IQSEC1: variants seen among roughly 807,000 people sequenced by gnomAD.
IQSEC1 encodes the protein IQ motif and Sec7 domain ArfGEF 1, also known as IQ motif and SEC7 domain-containing protein 1.
IQSEC1 carries 31 observed loss-of-function variants against 91.0 expected under a neutral mutation model. That is an observed-to-expected ratio of 0.34 (90% confidence interval 0.26 to 0.46). IQSEC1 has a LOEUF of 0.46. IQSEC1 is among the 20% of genes least tolerant of loss of function. IQSEC1 has a pLI of 1.00. For synonymous variants in IQSEC1, 699 were observed against 662.6 expected, an observed-to-expected ratio of 1.05 and a Z score of -0.84; for missense variants, 1,388 against 1,575.6, an observed-to-expected ratio of 0.88 and a Z score of 2.02.
chr3:13,036,504 C>T (rs1488840719), intron 1 of IQSEC1, among the ~76,000 whole-genome samples: 1 of 152,070 alleles, frequency 6.6e-6, no homozygotes, highest in African/African-American at 2.4e-5. Flanking sequence ...GATTGCATTC[C>T]CACTTCGCCT....
intron 1 of IQSEC1, among the ~76,000 whole-genome samples, chr3:13,227,854 G>A (rs1694783956): frequency 2.0e-5 from 3 of 152,196 alleles, no homozygotes; most frequent in Admixed American, 2.0e-4. Flanking sequence ...GCCTTGGCTT[G>A]GAGCTGCAGG....
chr3:12,997,897 G>A (rs762622297), intron 1 of IQSEC1, among the ~76,000 whole-genome samples: 3 of 152,192 alleles, frequency 2.0e-5, no homozygotes, highest in East Asian at 1.9e-4. Context: ...GTCATTGACC[G>A]AAATGTCATA....
chr3:13,214,257 G>A lies in IQSEC1; in HGVS notation c.273-50124C>T, dbSNP rs1694500410. 6.6e-6 allele frequency among the ~76,000 whole-genome samples: 1 copy of A among 152,220 alleles called. No individual in the cohort carries two copies. The highest frequency in any genetic ancestry group is 2.1e-4 in the South Asian group (1 of 4,836). ...TTGAGAGCCAACCTGCCCTGGCCGG[G>A]TGAGACTAACCCTGTCTGAGTCATT... is the stretch of plus-strand genomic sequence containing the variant. On this transcript the variant is annotated intron_variant, in intron 1 of 15. Transcript: ENST00000648114. This position sits in a 1 kb window ranked among gnomAD's most constrained non-coding sequence, Gnocchi z 4.5.
chr3:12,959,641 C>T (rs1172683288), intron 1 of IQSEC1, among the ~76,000 whole-genome samples: 1 of 152,174 alleles, frequency 6.6e-6, no homozygotes, highest in Admixed American at 6.5e-5. Context: ...GACACTGTGG[C>T]CTGCCCCAAG....
At position 13,073,342 on chromosome 3, in the gene IQSEC1, T is replaced by A. The variant is rs1276032848; in HGVS notation, c.-328A>T. Among the ~76,000 whole-genome samples the A allele has an allele frequency of 2.0e-5, 3 of 152,156 alleles. No homozygotes were observed. Among genetic ancestry groups the A allele is most frequent in the Non-Finnish European group, 4.4e-5 (3 of 68,026 alleles). On this transcript the variant is annotated 5_prime_UTR_variant, in exon 1 of 14. Coordinates refer to ENST00000613206, the MANE Select transcript of IQSEC1 (RefSeq NM_001134382.3). ...CTACCTGGGCCCACCTTGGGGTTTTTCCCTCCCGTCCATCCGGGGTGCGGG... is the reference window on the plus strand; with the variant it reads ...CTACCTGGGCCCACCTTGGGGTTTTACCCTCCCGTCCATCCGGGGTGCGGG...
chr3:12,985,204 T>C (rs1701668350), intron 1 of IQSEC1, among the ~76,000 whole-genome samples: 1 of 152,228 alleles, frequency 6.6e-6, no homozygotes, highest in Non-Finnish European at 1.5e-5. Context: ...CCAAGTGGGC[T>C]GGGTGAGGTA....
At chr3:13,241,531 T>A (rs963025940) in intron 1 of IQSEC1, among the ~76,000 whole-genome samples, 1 of 152,238 alleles carries the variant, frequency 6.6e-6, no homozygotes, top group Non-Finnish European at 1.5e-5. Context: ...TCACAGCCTC[T>A]CCCTCGGGGA....
rs975052218 is a variant in IQSEC1 at position 12,967,711 on chromosome 3, G to T, written c.24-25846C>A. 2 of 1,120,870 alleles carry T rather than the reference G, an allele frequency of 1.8e-6. No individual in the cohort carries two copies. The allele number at this position is 1,120,870 out of a possible 1,614,324, so 69.4% of individuals were successfully genotyped here. A position where few individuals can be genotyped will look rare whatever the true frequency, so the allele number is the denominator to read the frequency against. On this transcript the variant is annotated intron_variant, in intron 1 of 13. Transcript: ENST00000613206. The surrounding 1 kb of genome is among the most constrained non-coding windows in gnomAD (Gnocchi z 5.9). ...CTTGGCGCAGCGCGAGGCCGGGCCGGAGGAATGTGGCCCTGAAGTGGGCGG... is the reference window on the plus strand; with the variant it reads ...CTTGGCGCAGCGCGAGGCCGGGCCGTAGGAATGTGGCCCTGAAGTGGGCGG...
chr3:13,066,736 C>T (rs1005370527), intron 1 of IQSEC1, among the ~76,000 whole-genome samples: 4 of 152,216 alleles, frequency 2.6e-5, no homozygotes, highest in East Asian at 3.9e-4. Context: ...ATCCAGGAGC[C>T]GCTCTGGCAG....
chr3:13,051,799 T>G (rs1704701691), intron 1 of IQSEC1, among the ~76,000 whole-genome samples: 1 of 152,010 alleles, frequency 6.6e-6, no homozygotes, highest in Non-Finnish European at 1.5e-5. Flanking sequence ...AATGAGGAAG[T>G]GGTCAGTGTT....
chr3:13,219,296 C>T (rs773519954), intron 1 of IQSEC1, among the ~76,000 whole-genome samples: 2 of 152,204 alleles, frequency 1.3e-5, no homozygotes, highest in Non-Finnish European at 2.9e-5. Context: ...CGAAGGTCAG[C>T]GGACTCCAGA....
rs553437560 is a variant in IQSEC1 at position 13,182,841 on chromosome 3, G to T, written c.273-18708C>A. 3.3e-5 allele frequency among the ~76,000 whole-genome samples: 5 copies of T among 152,262 alleles called. No individual in the cohort carries two copies. The South Asian group carries it at 1.0e-3, about 32-fold the overall frequency. On this transcript the variant is annotated intron_variant, in intron 1 of 15. Transcript: ENST00000648114. ...ATTAAATGATTTTATGAGAAAATAAGATCTCAAATAAAGATTCCACCCAAA... is the reference window on the plus strand; with the variant it reads ...ATTAAATGATTTTATGAGAAAATAATATCTCAAATAAAGATTCCACCCAAA...
intron 1 of IQSEC1, among the ~76,000 whole-genome samples, chr3:13,037,761 C>CA (rs987318647): frequency 3.3e-5 from 5 of 151,862 alleles, no homozygotes; most frequent in African/African-American, 7.3e-5. Flanking sequence ...AATAAAATAA[C>CA]AAAAAAACAA....
At chr3:13,122,628 C>G (rs1234513604) in intron 2 of IQSEC1, among the ~76,000 whole-genome samples, 2 of 152,156 alleles carry the variant, frequency 1.3e-5, no homozygotes. Flanking sequence ...CAGACCTTGC[C>G]TGATGTCCTC....
At chr3:13,131,478 C>CT (rs61345195) in intron 2 of IQSEC1, among the ~76,000 whole-genome samples, 1,998 of 81,708 alleles carry the variant, frequency 0.024, 151 homozygotes, top group South Asian at 0.028. Flanking sequence ...AAATCTATGT[C>CT]TTTTTTTTTT....
In IQSEC1 at chr3:12,922,601, C is replaced by T. The variant is rs1175413497; in HGVS notation, c.1731-359G>A. On this transcript the variant is annotated intron_variant, in intron 4 of 13. Transcript: ENST00000613206. This position sits in a 1 kb window ranked among gnomAD's most constrained non-coding sequence, Gnocchi z 5.1. ...CACAGTGGACGCCACTGTGAGTCTC[C>T]TCTCCTTCTGCACGGGGTTGGGGAG... Among the ~76,000 whole-genome samples, 1 of 152,212 alleles carries T rather than the reference C, an allele frequency of 6.6e-6. No individual in the cohort carries two copies. Among genetic ancestry groups the T allele is most frequent in the African/African-American group, 2.4e-5 (1 of 41,460 alleles).
intron 1 of IQSEC1, among the ~76,000 whole-genome samples, chr3:12,944,978 G>A (rs964038567): frequency 6.6e-6 from 1 of 152,232 alleles, no homozygotes; most frequent in Non-Finnish European, 1.5e-5. Flanking sequence ...AAACCACTGT[G>A]AGCAGGCAGA....
rs533098340 is a variant in IQSEC1 at position 13,116,126 on chromosome 3, G to A, written c.302+47978C>T. On this transcript the variant is annotated intron_variant, in intron 2 of 15. Transcript: ENST00000648114. The stretch of plus-strand genomic sequence containing the variant: ...TTATCCCTGGAGGGTGAGCCAGGCA[G>A]AGGCGCGTGGAAGTCCTCCCAGCTC... 3.9e-5 allele frequency among the ~76,000 whole-genome samples: 6 copies of A among 152,352 alleles called. No individual in the cohort carries two copies. The East Asian group carries it at 1.2e-3, about 29-fold the overall frequency.
At position 12,909,465 on chromosome 3, in the gene IQSEC1, C is replaced by A. The variant is rs545967223; in HGVS notation, c.2417-31G>T. 1 of 1,601,256 alleles carries A rather than the reference C, an allele frequency of 6.2e-7. No homozygotes were observed. Among genetic ancestry groups the A allele is most frequent in the South Asian group, 1.1e-5 (1 of 89,692 alleles). On this transcript the variant is annotated intron_variant, in intron 10 of 13. Transcript: ENST00000613206. The surrounding 1 kb of genome is among the most constrained non-coding windows in gnomAD (Gnocchi z 4.9). The stretch of plus-strand genomic sequence containing the variant: ...AAAGGGAAGGAGAGGGGAGGAGGCC[C>A]ACGGGTCTCAGTGTGTTCTCTGCAA...
Sources: gnomAD v4.1 joint callset for allele counts (sites outside exome capture counted in the v4.1 genomes callset) on GRCh38, gnomAD v4.1.1 for gene constraint, Gnocchi (gnomAD v3.1) non-coding constraint, MANE v1.5 for transcripts, NCBI Gene and HGNC (gene_info 2026-07-23, HGNC 2026-07-21) for gene names.